Variants in MANSC4 observed in about 807,000 individuals in gnomAD.
MANSC4 encodes the protein MANSC domain-containing protein 4.
MANSC4 carries 11 observed loss-of-function variants against 11.4 expected under a neutral mutation model. The observed-to-expected ratio is 0.97, with a 90% CI of 0.61 to 1.60. The LOEUF (loss-of-function observed/expected upper bound fraction) is 1.60. Ranked by LOEUF, MANSC4 falls within the 40% of genes most tolerant of loss-of-function variation. MANSC4 has a pLI of 0.00. For synonymous variants in MANSC4, 123 were observed against 147.1 expected (o/e 0.84, Z 1.19); for missense variants, 354 against 404.6 (o/e 0.88, Z 1.07).
chr12:27,765,928 T>C (rs2062070436), intron 3 of MANSC4, among the ~76,000 whole-genome samples: 1 of 152,192 alleles, frequency 6.6e-6, no homozygotes. Context: ...ACCAATGATA[T>C]GCTAATGTAT....
At chr12:27,778,884 T>C (rs2062130450) in intron 1 of MANSC4, among the ~76,000 whole-genome samples, 1 of 152,184 alleles carries the variant, frequency 6.6e-6, no homozygotes, top group African/African-American at 2.4e-5. Context: ...GTCTCTCTTT[T>C]CCGAGACGGC....
intron 3 of MANSC4, among the ~76,000 whole-genome samples, chr12:27,766,256 C>T (rs755514569): frequency 1.3e-5 from 2 of 152,136 alleles, no homozygotes; most frequent in African/African-American, 2.4e-5. Context: ...TTGGTAGAGA[C>T]AGGGTTTCAC....
rs1001654799 is a variant in MANSC4 at position 27,766,742 on chromosome 12, A to T, written c.287T>A (p.Leu96His). The T allele has an allele frequency of 3.9e-6, 6 of 1,551,588 alleles. No individual in the cohort carries two copies. Among genetic ancestry groups the T allele is most frequent in the Non-Finnish European group, 3.5e-6 (4 of 1,146,988 alleles). ...CTCCAGTGTTGGGCAGTGAACATGGAGGCAGTTGATATTGTCATGAATAGG... is the reference window on the plus strand; with the variant it reads ...CTCCAGTGTTGGGCAGTGAACATGGTGGCAGTTGATATTGTCATGAATAGG... Reference protein sequence around the residue: ...HSPIHDNINCLHVHCPTLESC... With the variant: ...HSPIHDNINCHHVHCPTLESC... Residue 96 changes from leucine to histidine, a missense_variant, in exon 3 of 4, where the codon CTC (leucine) becomes CAC (histidine). Physicochemically the swap from Leu to His is moderately conservative, Grantham distance 99 (BLOSUM62 -3). Coordinates refer to ENST00000381273, the MANE Select transcript of MANSC4 (RefSeq NM_001146221.5).
chr12:27,765,328 A>C (rs2062067704), intron 3 of MANSC4, among the ~76,000 whole-genome samples: 1 of 152,232 alleles, frequency 6.6e-6, no homozygotes, highest in African/African-American at 2.4e-5. Context: ...TTCCTGGACT[A>C]GGACAAATAG....
Position 27,771,332 on chromosome 12 carries a change from A to G in MANSC4, c.-56T>C. 2.7e-6 allele frequency: 4 copies of G among 1,460,606 alleles called. No homozygotes were observed. Among genetic ancestry groups the G allele is most frequent in the Non-Finnish European group, 3.7e-6 (4 of 1,075,920 alleles). The allele number at this position is 1,460,606 out of a possible 1,614,324, so 90.5% of individuals were successfully genotyped here. On this transcript the variant is annotated 5_prime_UTR_variant, in exon 2 of 4. Transcript: ENST00000381273. ...AGTCTGATTTCCAGACAGAAGCTGA[A>G]CACTGGAGTTTAGGACAGTCTCTGG...
At chr12:27,777,394 C>G (rs1408533657) in intron 1 of MANSC4, among the ~76,000 whole-genome samples, 1 of 152,186 alleles carries the variant, frequency 6.6e-6, no homozygotes, top group East Asian at 1.9e-4. Flanking sequence ...ATAGAAAAAT[C>G]GTAGGTCCAA....
At chr12:27,772,350 A>C (rs1232530651) in intron 1 of MANSC4, among the ~76,000 whole-genome samples, 1 of 152,230 alleles carries the variant, frequency 6.6e-6, no homozygotes, top group Non-Finnish European at 1.5e-5. Flanking sequence ...AAACTTTCTA[A>C]TCTGTGATCC....
At chr12:27,771,709 T>G (rs991187105) in intron 1 of MANSC4, among the ~76,000 whole-genome samples, 127 bp from the exon 2 acceptor site, 2 of 152,222 alleles carry the variant, frequency 1.3e-5, no homozygotes, top group African/African-American at 2.4e-5. Context: ...GAAGTATCCA[T>G]TTCATCATAA....
chr12:27,768,737 C>T (rs1248028082), intron 2 of MANSC4, among the ~76,000 whole-genome samples: 4 of 151,714 alleles, frequency 2.6e-5, no homozygotes, highest in Non-Finnish European at 5.9e-5. Context: ...AGCGATTCTC[C>T]TGCCTTACTT....
At chr12:27,779,863 C>G (rs1168846150) in intron 1 of MANSC4, 1 of 151,436 alleles carries the variant, frequency 6.6e-6, no homozygotes, top group Non-Finnish European at 1.5e-5. Flanking sequence ...GCTGCGGGGA[C>G]GCGCGCCCTC....
chr12:27,768,402 CAAAAAAA>C (rs201953091), intron 2 of MANSC4, among the ~76,000 whole-genome samples: 1 of 109,684 alleles, frequency 9.1e-6, no homozygotes, highest in South Asian at 3.2e-4. Context: ...GACTCTGTCT[CAAAAAAA>C]AAAAAAAAAA....
intron 3 of MANSC4, among the ~76,000 whole-genome samples, chr12:27,764,006 T>C (rs1314575901): frequency 6.6e-6 from 1 of 152,226 alleles, no homozygotes; most frequent in African/African-American, 2.4e-5. Context: ...GTGCTGGGGT[T>C]ATAGGCAGGA....
intron 1 of MANSC4, among the ~76,000 whole-genome samples, chr12:27,774,014 G>A (rs944310939): frequency 6.6e-6 from 1 of 152,082 alleles, no homozygotes; most frequent in Non-Finnish European, 1.5e-5. Flanking sequence ...TGGGTGTGGT[G>A]GCACACGGCT....
At chr12:27,771,007 G>A (rs954556739) in intron 2 of MANSC4, 41 bp downstream of exon 2, 45 of 1,468,222 alleles carry the variant, frequency 3.1e-5, no homozygotes, top group Non-Finnish European at 3.9e-5. Flanking sequence ...ATCCTTGGAA[G>A]TTTCTTCTTA....
intron 1 of MANSC4, among the ~76,000 whole-genome samples, chr12:27,773,699 A>G (rs1019206421): frequency 6.6e-6 from 1 of 152,220 alleles, no homozygotes; most frequent in African/African-American, 2.4e-5. Context: ...AAACACTGAT[A>G]TAGATAGATG....
intron 3 of MANSC4, among the ~76,000 whole-genome samples, chr12:27,764,673 T>C (rs576090397): frequency 6.6e-6 from 1 of 152,306 alleles, no homozygotes; most frequent in Admixed American, 6.5e-5. Context: ...TCAGTATGTT[T>C]TCCCCTCTTT....
At position 27,763,273 on chromosome 12, in the gene MANSC4, G is replaced by A. The variant is rs11049125; in HGVS notation, c.488C>T (p.Thr163Met). 237,315 of 1,551,104 alleles carry A rather than the reference G, an allele frequency of 0.15. 19,034 individuals carry two copies. Among genetic ancestry groups the A allele is most frequent in the East Asian group, 0.18 (7,298 of 40,894 alleles). ...KAMNLDKQTTTINGMLPSTEA... is the reference protein window; with the variant it reads ...KAMNLDKQTTMINGMLPSTEA... Reference sequence around the variant, plus strand: ...TGTGGATGGCAGCATACCATTTATCGTGGTGGTTTGTTTATCTAAATTCAT... The same window carrying A: ...TGTGGATGGCAGCATACCATTTATCATGGTGGTTTGTTTATCTAAATTCAT... Residue 163 changes from threonine to methionine, a missense_variant, in exon 4 of 4, where the codon ACG (threonine) becomes ATG (methionine). Coordinates refer to ENST00000381273, the MANE Select transcript of MANSC4 (RefSeq NM_001146221.5).
intron 2 of MANSC4, 95 bp from the exon 3 acceptor site, chr12:27,766,894 G>T: frequency 7.6e-7 from 1 of 1,324,458 alleles, no homozygotes; most frequent in Non-Finnish European, 1.0e-6. Flanking sequence ...CAGGAATACT[G>T]GATTAACAGT....
chr12:27,763,371 A>G lies in MANSC4; in HGVS notation c.390T>C (p.Phe130=), dbSNP rs2140795151. The change falls in exon 4 of 4, where the codon TTT becomes TTC. Residue 130 remains phenylalanine, a synonymous_variant. Transcript: ENST00000381273. ...TDGIDPDLLV[F]EQSPTYLNTR... is the part of the protein sequence containing the mutation. ...TATTTAGATATGTGGGAGATTGTTC[A>G]AAAACCAGCAAATCCGGATCTATAC... 6.5e-7 allele frequency: 1 copy of G among 1,548,266 alleles called. No individual in the cohort carries two copies.
Sources: gnomAD v4.1 joint callset for allele counts (sites outside exome capture counted in the v4.1 genomes callset) on GRCh38, gnomAD v4.1.1 for gene constraint, MANE v1.5 for transcripts, NCBI Gene and HGNC (gene_info 2026-07-23, HGNC 2026-07-21) for gene names.